Variants in PTPRM observed in about 807,000 individuals in gnomAD.
The protein encoded by PTPRM is receptor-type tyrosine-protein phosphatase mu.
A neutral mutation model predicts 186.7 loss-of-function variants in PTPRM; 47 were observed. The ratio of observed to expected loss-of-function variants is 0.25; its 90% CI spans 0.20 to 0.32. The LOEUF (loss-of-function observed/expected upper bound fraction) is 0.32, where lower values mean the gene tolerates loss of function less well. Ranked by LOEUF, PTPRM falls within the 10% of genes least tolerant of loss-of-function variation. The probability of loss-of-function intolerance (pLI) is 1.00; values close to 1 mark genes in which losing one functional copy is unlikely to be tolerated. For synonymous variants in PTPRM, 668 were observed against 674.9 expected (o/e 0.99, Z 0.16); for missense variants, 1,494 against 1,865.0 (o/e 0.80, Z 3.66).
chr18:7,663,366 A>G (rs1452732082), intron 1 of PTPRM, among the ~76,000 whole-genome samples: 12 of 152,226 alleles, frequency 7.9e-5, no homozygotes, highest in Admixed American at 7.8e-4. Context: ...GGGGTGGGGC[A>G]GTGTTCTAGG....
intron 1 of PTPRM, among the ~76,000 whole-genome samples, chr18:7,601,420 C>G (rs1310830732): frequency 6.6e-6 from 1 of 152,216 alleles, no homozygotes; most frequent in African/African-American, 2.4e-5. Flanking sequence ...AATTTCTTCT[C>G]TCACAGTTCT....
chr18:7,860,411 T>G (rs559060029), intron 2 of PTPRM, among the ~76,000 whole-genome samples: 53 of 152,178 alleles, frequency 3.5e-4, no homozygotes, highest in African/African-American at 6.3e-4. Context: ...TTGGGAGAGA[T>G]AAAATGGATT....
At chr18:7,724,905 T>A (rs1360923507) in intron 1 of PTPRM, among the ~76,000 whole-genome samples, 26 of 152,242 alleles carry the variant, frequency 1.7e-4, no homozygotes, top group Admixed American at 1.7e-3. Context: ...TCAGGCTCTT[T>A]GTCTTTATAC....
chr18:7,742,185 C>T lies in PTPRM; in HGVS notation c.74-31964C>T, dbSNP rs537127566. On this transcript the variant is annotated intron_variant, in intron 1 of 32. Coordinates refer to ENST00000580170, the MANE Select transcript of PTPRM (RefSeq NM_001105244.2). ...AATTCTATGTAGAATTTTTATCTTC[C>T]TATTTTTAAGGCATTATATACAGTT... 2.8e-4 allele frequency among the ~76,000 whole-genome samples: 42 copies of T among 152,230 alleles called. No individual in the cohort carries two copies. In the South Asian group the frequency reaches 8.3e-3, roughly 30 times the overall value.
intron 23 of PTPRM, among the ~76,000 whole-genome samples, chr18:8,363,849 G>A (rs1200650484): frequency 6.6e-6 from 1 of 152,204 alleles, no homozygotes; most frequent in African/African-American, 2.4e-5. Context: ...TCCACAAGGG[G>A]ACCAGGCTGC....
chr18:8,190,605 T>G (rs371154574), intron 14 of PTPRM, among the ~76,000 whole-genome samples: 29 of 152,374 alleles, frequency 1.9e-4, no homozygotes, highest in African/African-American at 6.7e-4. Context: ...AAATATTGTA[T>G]GTTTTATTTC....
At chr18:7,795,261 ATCTTCTC>A (rs1021339991) in intron 2 of PTPRM, among the ~76,000 whole-genome samples, 3 of 152,138 alleles carry the variant, frequency 2.0e-5, no homozygotes, top group Admixed American at 6.5e-5. Context: ...AAGCTCTTCT[ATCTTCTC>A]TCTGACCGTA....
At chr18:8,049,837 G>A (rs1009139319) in intron 7 of PTPRM, among the ~76,000 whole-genome samples, 3 of 151,564 alleles carry the variant, frequency 2.0e-5, no homozygotes, top group South Asian at 4.2e-4. Flanking sequence ...TCAGCCTCCC[G>A]AGTAGCTGAG....
chr18:8,253,261 C>T lies in PTPRM; in HGVS notation c.2601C>T (p.Ser867=). The change falls in exon 19 of 33, where the codon AGC becomes AGT. Residue 867 remains serine (S), a synonymous_variant. Coordinates refer to ENST00000580170, the MANE Select transcript of PTPRM (RefSeq NM_001105244.2). ...ACACAATGGCCAGCGATACCAGCAG[C>T]CTGGTGCAGTCCCATACTTACAAGA... ...ETHTMASDTS[S]LVQSHTYKKR... 6.4e-7 allele frequency: 1 copy of T among 1,564,024 alleles called. No homozygotes were observed. Among genetic ancestry groups the T allele is most frequent in the East Asian group, 2.4e-5 (1 of 41,040 alleles).
chr18:7,633,869 C>T (rs1035221778), intron 1 of PTPRM, among the ~76,000 whole-genome samples: 2 of 152,118 alleles, frequency 1.3e-5, no homozygotes, highest in Admixed American at 6.6e-5. Flanking sequence ...CCCGGCCCTC[C>T]TGCAGGTCTT....
At chr18:7,572,612 A>T (rs569899276) in intron 1 of PTPRM, among the ~76,000 whole-genome samples, 1 of 152,188 alleles carries the variant, frequency 6.6e-6, no homozygotes, top group Admixed American at 6.5e-5. Context: ...CTTAGTTTTC[A>T]TTTAGGGAAT....
intron 1 of PTPRM, among the ~76,000 whole-genome samples, chr18:7,689,910 A>C (rs771472312): frequency 2.0e-5 from 3 of 152,242 alleles, no homozygotes; most frequent in Non-Finnish European, 4.4e-5. Context: ...ATAAATCATT[A>C]TCCTTTATCA....
At chr18:7,700,491 A>T (rs2039936437) in intron 1 of PTPRM, among the ~76,000 whole-genome samples, 6 of 152,200 alleles carry the variant, frequency 3.9e-5, no homozygotes, top group African/African-American at 1.4e-4. Context: ...ATTAGGTGGC[A>T]CCTTCTAGAC....
intron 2 of PTPRM, among the ~76,000 whole-genome samples, chr18:7,794,493 C>T (rs1284450390): frequency 1.3e-5 from 2 of 152,072 alleles, no homozygotes; most frequent in African/African-American, 2.4e-5. Flanking sequence ...CTGGGTATGT[C>T]GTGGTGTGAG....
intron 19 of PTPRM, among the ~76,000 whole-genome samples, chr18:8,272,985 T>C (rs2094790959): frequency 6.6e-6 from 1 of 152,194 alleles, no homozygotes; most frequent in African/African-American, 2.4e-5. Flanking sequence ...ATGTTTTTCT[T>C]TACAGTTTAT....
chr18:7,772,222 T>C (rs1032363510), intron 1 of PTPRM, among the ~76,000 whole-genome samples: 2 of 150,460 alleles, frequency 1.3e-5, no homozygotes, highest in African/African-American at 5.0e-5. Context: ...TAATCAGCTT[T>C]CCTGTGCAAA....
intron 7 of PTPRM, among the ~76,000 whole-genome samples, chr18:7,972,494 AGGAGAGAAACATGGAAT>A (rs2054614647): frequency 1.5e-5 from 2 of 135,162 alleles, no homozygotes; most frequent in Non-Finnish European, 1.6e-5. Flanking sequence ...AAAAAAAAAA[AGGAGAGAAACATGGAAT>A]AGAAAAAAAA....
chr18:7,642,380 T>C (rs2038463643), intron 1 of PTPRM, among the ~76,000 whole-genome samples: 1 of 152,196 alleles, frequency 6.6e-6, no homozygotes, highest in Non-Finnish European at 1.5e-5. Flanking sequence ...TCTTCTACTG[T>C]CGTTACAATT....
chr18:8,125,613 T>TA (rs1488908583), intron 13 of PTPRM, among the ~76,000 whole-genome samples: 3 of 152,106 alleles, frequency 2.0e-5, no homozygotes, highest in Non-Finnish European at 4.4e-5. Flanking sequence ...CCACAATTTT[T>TA]AAAAAAATGC....
Sources: allele counts gnomAD v4.1 joint callset (sites outside exome capture counted in the v4.1 genomes callset), GRCh38; gene constraint gnomAD v4.1.1; transcripts MANE v1.5; gene names NCBI Gene and HGNC (gene_info 2026-07-23, HGNC 2026-07-21).